Variants in RIT2 observed in about 807,000 individuals in gnomAD.
RIT2 encodes GTP-binding protein Rit2.
A neutral mutation model predicts 23.7 loss-of-function variants in RIT2; 24 were observed. That is an observed-to-expected ratio of 1.01 (90% CI 0.73 to 1.43). The LOEUF is 1.43. Ranked by LOEUF, RIT2 falls within the 40% of genes most tolerant of loss-of-function variation. RIT2 has a pLI of 0.00. For missense variants in RIT2, 236 were observed against 266.9 expected (o/e 0.88, Z 0.81); for synonymous variants, 107 against 91.1 (o/e 1.17, Z -0.99).
At chr18:42,893,814 C>A (rs558164425) in intron 4 of RIT2, among the ~76,000 whole-genome samples, 1 of 152,202 alleles carries the variant, frequency 6.6e-6, no homozygotes, top group African/African-American at 2.4e-5. Flanking sequence ...GGCTGGTACA[C>A]CCCTCACTCC....
chr18:42,843,222 C>T (rs1906815177), intron 4 of RIT2, among the ~76,000 whole-genome samples: 1 of 152,156 alleles, frequency 6.6e-6, no homozygotes, highest in South Asian at 2.1e-4. Flanking sequence ...CAGGTAGGGA[C>T]ACCATACTTG....
At chr18:43,103,453 A>G (rs1913734710) in intron 1 of RIT2, among the ~76,000 whole-genome samples, 1 of 152,246 alleles carries the variant, frequency 6.6e-6, no homozygotes, top group South Asian at 2.1e-4. Flanking sequence ...TTCAAACTTT[A>G]AATAACATCT....
At position 43,033,878 on chromosome 18, in the gene RIT2, A is replaced by G. The variant is rs201571045; in HGVS notation, c.104-11T>C. 2 of 1,575,060 alleles carry G rather than the reference A, an allele frequency of 1.3e-6. No individual in the cohort carries two copies. Among genetic ancestry groups the G allele is most frequent in the Non-Finnish European group, 1.7e-6 (2 of 1,147,696 alleles). On this transcript the variant is annotated splice_polypyrimidine_tract_variant and intron_variant, in intron 1 of 4. Transcript: ENST00000326695. ...ACTGCATTGTCATTGCTGAAAGAAAAAAAACACATTTTGTTTAATAAAAAT... is the reference window on the plus strand; with the variant it reads ...ACTGCATTGTCATTGCTGAAAGAAAGAAAACACATTTTGTTTAATAAAAAT...
intron 2 of RIT2, among the ~76,000 whole-genome samples, chr18:43,026,630 A>AAGAAAGAC (rs1555652912): frequency 1.8e-3 from 167 of 94,572 alleles, no homozygotes; most frequent in African/African-American, 3.7e-3. Context: ...GAAAGAAAGA[A>AAGAAAGAC]AGAAAGAGAG....
intron 1 of RIT2, among the ~76,000 whole-genome samples, chr18:43,072,621 T>G (rs1262030354): frequency 6.6e-6 from 1 of 152,168 alleles, no homozygotes; most frequent in Non-Finnish European, 1.5e-5. Flanking sequence ...GCTAGTCTAG[T>G]TCTTGCTCAG....
At chr18:42,825,135 CAGG>C in intron 4 of RIT2, among the ~76,000 whole-genome samples, 1 of 151,662 alleles carries the variant, frequency 6.6e-6, no homozygotes, top group Non-Finnish European at 1.5e-5. Context: ...ATGGTCACCT[CAGG>C]TTTGTAAGTA....
chr18:43,035,086 T>A (rs1316578057), intron 1 of RIT2, among the ~76,000 whole-genome samples: 5 of 152,238 alleles, frequency 3.3e-5, no homozygotes, highest in Admixed American at 3.3e-4. Context: ...GTACACACTT[T>A]AGCAAATATT....
At chr18:42,946,800 A>G (rs1008014392) in intron 3 of RIT2, among the ~76,000 whole-genome samples, 2 of 152,070 alleles carry the variant, frequency 1.3e-5, no homozygotes, top group East Asian at 3.9e-4. Context: ...TGAATGTGAA[A>G]TTTAGTGAGT....
At chr18:42,945,125 C>T (rs1909696869) in intron 3 of RIT2, among the ~76,000 whole-genome samples, 1 of 151,970 alleles carries the variant, frequency 6.6e-6, no homozygotes, top group Non-Finnish European at 1.5e-5. Context: ...AAATTAATTA[C>T]ATTAATTTCT....
chr18:43,067,362 A>G (rs750604791), intron 1 of RIT2, among the ~76,000 whole-genome samples: 2 of 152,196 alleles, frequency 1.3e-5, no homozygotes, highest in Non-Finnish European at 2.9e-5. Flanking sequence ...CATGCACACG[A>G]CACAGCCCAA....
intron 2 of RIT2, among the ~76,000 whole-genome samples, chr18:43,004,849 G>A (rs895741835): frequency 2.0e-5 from 3 of 151,756 alleles, no homozygotes; most frequent in African/African-American, 7.3e-5. Flanking sequence ...TAGATTGTTA[G>A]ATCTGCAGAC....
At chr18:42,796,258 G>C (rs892788265) in intron 4 of RIT2, among the ~76,000 whole-genome samples, 1 of 152,034 alleles carries the variant, frequency 6.6e-6, no homozygotes, top group African/African-American at 2.4e-5. Flanking sequence ...CAGACGCGCT[G>C]CCTTAAGAGC....
intron 1 of RIT2, among the ~76,000 whole-genome samples, chr18:43,047,908 A>G (rs1037461194): frequency 2.0e-5 from 3 of 152,170 alleles, no homozygotes; most frequent in Non-Finnish European, 2.9e-5. Flanking sequence ...TAAACCCATC[A>G]TGGAGTGGAG....
At chr18:42,924,371 A>C (rs1909130019) in intron 3 of RIT2, among the ~76,000 whole-genome samples, 1 of 151,948 alleles carries the variant, frequency 6.6e-6, no homozygotes, top group Non-Finnish European at 1.5e-5. Context: ...TGTCTCATGA[A>C]GGTGCATAAA....
At chr18:43,012,337 T>C (rs1007427693) in intron 2 of RIT2, among the ~76,000 whole-genome samples, 2 of 151,864 alleles carry the variant, frequency 1.3e-5, no homozygotes, top group Non-Finnish European at 2.9e-5. Flanking sequence ...ACAGTATTTT[T>C]TAAGTGGGAA....
chr18:42,993,911 A>T (rs2144231953), intron 2 of RIT2, among the ~76,000 whole-genome samples: 1 of 152,154 alleles, frequency 6.6e-6, no homozygotes, highest in East Asian at 1.9e-4. Flanking sequence ...GCCTGTTATC[A>T]CTTGTCTGTT....
chr18:42,901,115 A>G (rs1908465013), intron 4 of RIT2, among the ~76,000 whole-genome samples: 1 of 152,076 alleles, frequency 6.6e-6, no homozygotes, highest in African/African-American at 2.4e-5. Flanking sequence ...AACTGCTCAT[A>G]GTATAAAGAA....
chr18:43,061,079 A>G (rs1233693565), intron 1 of RIT2, among the ~76,000 whole-genome samples: 1 of 152,184 alleles, frequency 6.6e-6, no homozygotes, highest in East Asian at 1.9e-4. Flanking sequence ...AGTCTCATAT[A>G]TACTGTAAGG....
At chr18:42,912,083 T>C (rs947696811) in intron 4 of RIT2, among the ~76,000 whole-genome samples, 9 of 151,790 alleles carry the variant, frequency 5.9e-5, no homozygotes, top group African/African-American at 2.2e-4. Context: ...TGTATAATAA[T>C]GCACTATGAT....
Sources: gnomAD v4.1 joint callset for allele counts (sites outside exome capture counted in the v4.1 genomes callset) on GRCh38, gnomAD v4.1.1 for gene constraint, MANE v1.5 for transcripts, NCBI Gene and HGNC (gene_info 2026-07-23, HGNC 2026-07-21) for gene names.